Variants in IMPG1 observed in about 807,000 individuals in gnomAD.
The protein encoded by IMPG1 is interphotoreceptor matrix proteoglycan of 150 kDa.
In IMPG1, 85 loss-of-function variants were observed where a neutral mutation model predicts 92.0. That is an observed-to-expected ratio of 0.92 (90% CI 0.78 to 1.11). The LOEUF is 1.11. Among genes scored for constraint, IMPG1 ranks in the 50% least tolerant of loss-of-function variants. The probability of loss-of-function intolerance (pLI) is 0.00; values close to 1 mark genes in which losing one functional copy is unlikely to be tolerated. For synonymous variants in IMPG1, 367 were observed against 334.1 expected (o/e 1.10, Z -1.08); for missense variants, 1,022 against 956.0 (o/e 1.07, Z -0.91).
At chr6:76,034,286 C>T (rs1783697934) in intron 4 of IMPG1, 29 bp downstream of exon 4, 6 of 1,606,252 alleles carry the variant, frequency 3.7e-6, no homozygotes, top group Non-Finnish European at 5.1e-6. Flanking sequence ...CAAAAGCACA[C>T]ACACACACAC....
chr6:75,924,528 TATA>T (rs1236659837), intron 15 of IMPG1, among the ~76,000 whole-genome samples: 1 of 49,074 alleles, frequency 2.0e-5, no homozygotes, highest in Non-Finnish European at 3.7e-5. Context: ...AATTATATAT[TATA>T]ATATAATTAT....
intron 1 of IMPG1, among the ~76,000 whole-genome samples, chr6:76,053,612 C>T (rs17195065): frequency 0.05 from 7,609 of 152,148 alleles, 293 homozygotes; most frequent in Admixed American, 0.092. Flanking sequence ...GGTGCTGAAA[C>T]ACAAGGTATC....
chr6:76,003,867 A>G lies in IMPG1; in HGVS notation c.1212+7T>C, dbSNP rs1783043390. On this transcript the variant is annotated splice_region_variant and intron_variant, in intron 11 of 16. Transcript: ENST00000369950. ...CTAGTTAAAGAACAAAAGGACAACA[A>G]ACTTACCTCTGTTATAACAGCAAAA... 11 of 1,606,854 alleles carry G rather than the reference A, an allele frequency of 6.8e-6. No homozygotes were observed. The highest frequency in any genetic ancestry group is 9.4e-6 in the Non-Finnish European group (11 of 1,175,766).
At chr6:76,033,619 A>G (rs1783687678) in intron 4 of IMPG1, among the ~76,000 whole-genome samples, 1 of 152,224 alleles carries the variant, frequency 6.6e-6, no homozygotes. Flanking sequence ...GGGAATAGAA[A>G]CAAAGGGATA....
rs912469568 is a variant in IMPG1 at position 75,922,072 on chromosome 6, T to C, written c.*17A>G. On this transcript the variant is annotated 3_prime_UTR_variant, in exon 17 of 17. Transcript: ENST00000369950. ...TCTCTTGAGATAGCCTAAATGATAA[T>C]TGTACATTTTCAGTTTTTAATTTCC... is the stretch of plus-strand genomic sequence containing the variant. 9.2e-7 allele frequency: 1 copy of C among 1,081,596 alleles called. No homozygotes were observed. Among genetic ancestry groups the C allele is most frequent in the Non-Finnish European group, 1.4e-6 (1 of 713,630 alleles). 67.0% of individuals were successfully genotyped at this position (1,081,596 alleles called of 1,614,324 possible).
chr6:76,042,308 A>G (rs768928320), intron 1 of IMPG1, among the ~76,000 whole-genome samples, 182 bp from the exon 2 acceptor site: 2 of 152,192 alleles, frequency 1.3e-5, no homozygotes, highest in African/African-American at 4.8e-5. Context: ...ATAAGAGAAT[A>G]GTATAATGAG....
At chr6:75,931,567 TTTTG>T (rs1487622081) in intron 14 of IMPG1, among the ~76,000 whole-genome samples, 3 of 148,878 alleles carry the variant, frequency 2.0e-5, no homozygotes, top group African/African-American at 7.4e-5. Flanking sequence ...ATTAGGAATG[TTTTG>T]TTACTTAGTT....
intron 15 of IMPG1, among the ~76,000 whole-genome samples, chr6:75,924,647 A>ATTATAT (rs1388791638): frequency 2.9e-4 from 1 of 3,400 alleles, no homozygotes; most frequent in Non-Finnish European, 1.1e-3. Context: ...ATATATAATT[A>ATTATAT]ATTATATATA....
Position 76,023,120 on chromosome 6 carries a change from C to T in IMPG1, c.563-901G>A, listed in dbSNP as rs919007963. On this transcript the variant is annotated intron_variant, in intron 5 of 16. Coordinates refer to ENST00000369950, the MANE Select transcript of IMPG1 (RefSeq NM_001563.4). ...GTGGAATTGTGCTTCCTAGTGGGGGCGTGAGAGTGGGTATCAGAATCATCT... is the reference window on the plus strand; with the variant it reads ...GTGGAATTGTGCTTCCTAGTGGGGGTGTGAGAGTGGGTATCAGAATCATCT... Among the ~76,000 whole-genome samples the T allele has an allele frequency of 5.3e-5, 8 of 152,170 alleles. 1 individual carries two copies. In the South Asian group the frequency reaches 8.3e-4, roughly 16 times the overall value.
At chr6:76,013,210 A>G (rs1304697137) in intron 7 of IMPG1, among the ~76,000 whole-genome samples, 1 of 152,080 alleles carries the variant, frequency 6.6e-6, no homozygotes, top group African/African-American at 2.4e-5. Flanking sequence ...TGCTGGACCC[A>G]TTGAACAAGA....
intron 12 of IMPG1, among the ~76,000 whole-genome samples, chr6:75,985,578 G>A (rs1405627587): frequency 6.6e-6 from 1 of 152,220 alleles, no homozygotes. Context: ...TCATCTAAGA[G>A]AATGCTTTAG....
At position 75,942,145 on chromosome 6, in the gene IMPG1, C is replaced by T. The variant is rs147525241; in HGVS notation, c.2044+5169G>A. 8.2e-3 allele frequency among the ~76,000 whole-genome samples: 1,245 copies of T among 152,264 alleles called. 8 individuals carry two copies. The highest frequency in any genetic ancestry group is 0.011 in the Non-Finnish European group (752 of 68,026). On this transcript the variant is annotated intron_variant, in intron 14 of 16. Coordinates refer to ENST00000369950, the MANE Select transcript of IMPG1 (RefSeq NM_001563.4). ...GGGAAAACATTGAAATGATAGGATG[C>T]CTTCTCTATTTTCCAAGGATAGATT... is the stretch of plus-strand genomic sequence containing the variant.
chr6:75,957,034 C>T (rs1482478448), intron 12 of IMPG1, among the ~76,000 whole-genome samples: 2 of 152,178 alleles, frequency 1.3e-5, no homozygotes, highest in Admixed American at 6.5e-5. Flanking sequence ...ATTCTCCTGC[C>T]TCAGCCTCCT....
intron 12 of IMPG1, among the ~76,000 whole-genome samples, chr6:75,988,830 G>A (rs1782767362): frequency 6.6e-6 from 1 of 152,136 alleles, no homozygotes; most frequent in South Asian, 2.1e-4. Flanking sequence ...TTTCCAGGAA[G>A]CCACTGTGTC....
intron 12 of IMPG1, among the ~76,000 whole-genome samples, chr6:75,972,361 G>T (rs1208401121): frequency 6.6e-6 from 1 of 152,070 alleles, no homozygotes; most frequent in East Asian, 1.9e-4. Context: ...AGCTTTATCA[G>T]AAAATAGCTA....
At chr6:75,993,225 C>T (rs957479348) in intron 12 of IMPG1, among the ~76,000 whole-genome samples, 4 of 152,050 alleles carry the variant, frequency 2.6e-5, no homozygotes, top group Non-Finnish European at 5.9e-5. Context: ...ATTTAGGCCT[C>T]GGAAACATCA....
At chr6:76,014,626 T>C (rs1783250434) in intron 7 of IMPG1, among the ~76,000 whole-genome samples, 1 of 152,190 alleles carries the variant, frequency 6.6e-6, no homozygotes. Flanking sequence ...GAGCTGCAGT[T>C]TCTGGAGCAG....
At chr6:76,030,125 G>T (rs1038858374) in intron 4 of IMPG1, among the ~76,000 whole-genome samples, 6 of 152,154 alleles carry the variant, frequency 3.9e-5, no homozygotes, top group African/African-American at 1.4e-4. Flanking sequence ...AATATCTATG[G>T]TATAAATGAG....
intron 4 of IMPG1, among the ~76,000 whole-genome samples, chr6:76,030,462 T>TAA (rs528029391): frequency 6.6e-6 from 1 of 152,118 alleles, no homozygotes; most frequent in African/African-American, 2.4e-5. Flanking sequence ...GGGAATCCTT[T>TAA]AAAAAATGCC....
Sources: gnomAD v4.1 joint callset for allele counts (sites outside exome capture counted in the v4.1 genomes callset) on GRCh38, gnomAD v4.1.1 for gene constraint, MANE v1.5 for transcripts, NCBI Gene and HGNC (gene_info 2026-07-23, HGNC 2026-07-21) for gene names.